Variants in PDE4D observed in about 807,000 individuals in gnomAD.
The protein encoded by PDE4D is 3',5'-cyclic-AMP phosphodiesterase 4D.
A neutral mutation model predicts 87.4 loss-of-function variants in PDE4D; 24 were observed. That is an observed-to-expected ratio of 0.27 (90% confidence interval 0.20 to 0.39). The LOEUF is 0.39. PDE4D is among the 10% of genes least tolerant of loss of function. PDE4D has a pLI of 1.00. For synonymous variants in PDE4D, 384 were observed against 383.2 expected, an observed-to-expected ratio of 1.00 and a Z score of -0.02; for missense variants, 714 against 1,041.0, an observed-to-expected ratio of 0.69 and a Z score of 4.32.
At chr5:59,681,089 C>G (rs1748920170) in intron 1 of PDE4D, among the ~76,000 whole-genome samples, 1 of 152,074 alleles carries the variant, frequency 6.6e-6, no homozygotes. Context: ...CCATTCTTTA[C>G]TGAAAGGAAA....
upstream of PDE4D, among the ~76,000 whole-genome samples, chr5:60,489,083 T>C (rs1367304456): frequency 6.6e-6 from 1 of 152,196 alleles, no homozygotes; most frequent in African/African-American, 2.4e-5. Flanking sequence ...AAAATGATTA[T>C]AGAGGCAACT....
chr5:59,392,256 C>T (rs916517164), intron 1 of PDE4D, among the ~76,000 whole-genome samples: 9 of 151,762 alleles, frequency 5.9e-5, no homozygotes, highest in African/African-American at 2.2e-4. Context: ...ATCTAATTAG[C>T]TGCCAGCGCT....
At chr5:59,102,081 CTTTTT>C (rs34811771) in intron 5 of PDE4D, among the ~76,000 whole-genome samples, 1 of 96,186 alleles carries the variant, frequency 1.0e-5, no homozygotes, top group African/African-American at 3.9e-5. Context: ...TTTTTCCCTA[CTTTTT>C]TTTTTTTTTT....
chr5:59,212,317 A>G (rs1356184241), intron 2 of PDE4D, among the ~76,000 whole-genome samples: 1 of 152,172 alleles, frequency 6.6e-6, no homozygotes, highest in Non-Finnish European at 1.5e-5. Flanking sequence ...CCTTCCACAG[A>G]AACTTAATCT....
chr5:60,466,698 A>C (rs964742754), intron 1 of PDE4D, among the ~76,000 whole-genome samples: 2 of 152,112 alleles, frequency 1.3e-5, no homozygotes, highest in African/African-American at 2.4e-5. Flanking sequence ...TCTTGATTAC[A>C]CTTTGGAGCT....
At chr5:59,368,822 C>T (rs909792844) in intron 1 of PDE4D, among the ~76,000 whole-genome samples, 2 of 152,172 alleles carry the variant, frequency 1.3e-5, no homozygotes, top group African/African-American at 2.4e-5. Context: ...TTGAGGAGCT[C>T]ATTCATTGCT....
At chr5:59,560,014 T>C (rs1203871529) in intron 1 of PDE4D, among the ~76,000 whole-genome samples, 1 of 152,192 alleles carries the variant, frequency 6.6e-6, no homozygotes, top group Non-Finnish European at 1.5e-5. Flanking sequence ...GAATGGCATG[T>C]CATTTGAAAG....
intron 1 of PDE4D, among the ~76,000 whole-genome samples, chr5:59,700,557 G>C (rs758684461): frequency 6.6e-6 from 1 of 152,100 alleles, no homozygotes; most frequent in African/African-American, 2.4e-5. Context: ...GAGAATAAGT[G>C]TATAGATATC....
chr5:60,294,406 T>C (rs1272550354), intron 1 of PDE4D, among the ~76,000 whole-genome samples: 2 of 152,226 alleles, frequency 1.3e-5, no homozygotes, highest in Admixed American at 1.3e-4. Flanking sequence ...GTATGTCTTT[T>C]GATGAGCAGT....
intron 2 of PDE4D, among the ~76,000 whole-genome samples, chr5:60,141,326 AG>A (rs984871825): frequency 4.7e-4 from 72 of 152,292 alleles, no homozygotes; most frequent in South Asian, 1.7e-3. Context: ...AGAGTGTAAC[AG>A]GATGCAGAGA....
chr5:59,297,999 T>TC (rs991634959), intron 1 of PDE4D, among the ~76,000 whole-genome samples: 2 of 151,962 alleles, frequency 1.3e-5, no homozygotes, highest in Admixed American at 6.6e-5. Context: ...TGGAATGGGT[T>TC]CCCTTGGGGT....
intron 1 of PDE4D, among the ~76,000 whole-genome samples, chr5:59,778,352 C>G (rs1324207728): frequency 2.6e-5 from 4 of 152,206 alleles, no homozygotes; most frequent in Admixed American, 2.0e-4. Context: ...ATATGCTTTT[C>G]TTTCTGGGGC....
At chr5:60,351,781 TTTTATTTATTTA>T (rs144196649) in intron 1 of PDE4D, among the ~76,000 whole-genome samples, 25 of 147,208 alleles carry the variant, frequency 1.7e-4, no homozygotes, top group African/African-American at 4.5e-4. Context: ...CACCTAATTA[TTTTATTTATTTA>T]TTTATTTATT....
At chr5:60,382,791 A>G (rs561004705) in intron 1 of PDE4D, among the ~76,000 whole-genome samples, 1 of 152,284 alleles carries the variant, frequency 6.6e-6, no homozygotes, top group East Asian at 1.9e-4. Flanking sequence ...TCTTTCAAAG[A>G]GATTTATGAA....
chr5:59,260,835 A>G (rs1180702090), intron 1 of PDE4D, among the ~76,000 whole-genome samples: 1 of 151,694 alleles, frequency 6.6e-6, no homozygotes, highest in East Asian at 1.9e-4. Context: ...TTAAAATCTT[A>G]TAAGTAACGT....
At chr5:60,436,261 T>C (rs1043008295) in intron 1 of PDE4D, among the ~76,000 whole-genome samples, 1 of 152,086 alleles carries the variant, frequency 6.6e-6, no homozygotes, top group African/African-American at 2.4e-5. Flanking sequence ...ATATTATTTG[T>C]TCTGAAATTA....
chr5:60,408,133 G>A (rs1741729631), intron 1 of PDE4D, among the ~76,000 whole-genome samples: 2 of 152,092 alleles, frequency 1.3e-5, no homozygotes, highest in South Asian at 4.2e-4. Context: ...CCCCATCCTG[G>A]CATCCGGTCT....
chr5:60,386,750 GGAGA>G (rs1327197395), intron 1 of PDE4D, among the ~76,000 whole-genome samples: 2 of 152,210 alleles, frequency 1.3e-5, no homozygotes, highest in Non-Finnish European at 1.5e-5. Flanking sequence ...GGATGAAAAA[GGAGA>G]AAGAAGTAAT....
At chr5:59,050,084 T>A (rs1177550856) in intron 5 of PDE4D, among the ~76,000 whole-genome samples, 1 of 152,130 alleles carries the variant, frequency 6.6e-6, no homozygotes, top group Non-Finnish European at 1.5e-5. Flanking sequence ...GCCAACATGA[T>A]GAACCCCATC....
Sources: gnomAD v4.1 joint callset for allele counts (sites outside exome capture counted in the v4.1 genomes callset) on GRCh38, gnomAD v4.1.1 for gene constraint, MANE v1.5 for transcripts, NCBI Gene and HGNC (gene_info 2026-07-23, HGNC 2026-07-21) for gene names.